PPARG: variants seen among roughly 807,000 people sequenced by gnomAD.
The protein encoded by PPARG is peroxisome proliferator activated receptor gamma, also known as peroxisome proliferator-activated receptor gamma.
PPARG carries 17 observed loss-of-function variants against 39.2 expected under a neutral mutation model. The observed-to-expected ratio is 0.43, with a 90% CI of 0.30 to 0.65. PPARG has a LOEUF of 0.65. Ranked by LOEUF, PPARG falls within the 30% of genes least tolerant of loss-of-function variation. The pLI is 0.13. For missense variants in PPARG, 406 were observed against 585.9 expected (o/e 0.69, Z 3.17); for synonymous variants, 223 against 215.7 (o/e 1.03, Z -0.30).
chr3:12,337,108 T>C (rs1052961199), intron 2 of PPARG, among the ~76,000 whole-genome samples: 3 of 152,240 alleles, frequency 2.0e-5, no homozygotes, highest in African/African-American at 7.2e-5. Context: ...AATTATGTGG[T>C]ATTGACTCTA....
At chr3:12,303,351 C>T (rs2046977862) in intron 1 of PPARG, among the ~76,000 whole-genome samples, 1 of 152,128 alleles carries the variant, frequency 6.6e-6, no homozygotes, top group African/African-American at 2.4e-5. Flanking sequence ...CATGCACCAC[C>T]ACACCCGGCT....
intron 5 of PPARG, among the ~76,000 whole-genome samples, chr3:12,399,641 A>G (rs2050395465): frequency 3.2e-5 from 3 of 94,966 alleles, no homozygotes; most frequent in Admixed American, 1.3e-4. Context: ...GGAAGGGAGG[A>G]AGGAAGGAAG....
At chr3:12,368,363 G>T (rs983841780) in intron 2 of PPARG, among the ~76,000 whole-genome samples, 1 of 151,272 alleles carries the variant, frequency 6.6e-6, no homozygotes, top group African/African-American at 2.4e-5. Flanking sequence ...TGTATTTTTG[G>T]TAGAGACAGG....
intron 2 of PPARG, among the ~76,000 whole-genome samples, chr3:12,348,258 G>A (rs2125086414): frequency 6.6e-6 from 1 of 152,266 alleles, no homozygotes; most frequent in East Asian, 1.9e-4. Context: ...ATTAACTATA[G>A]ATTTTTAGAC....
intron 2 of PPARG, among the ~76,000 whole-genome samples, chr3:12,359,403 A>G (rs988968463): frequency 6.6e-6 from 1 of 152,176 alleles, no homozygotes; most frequent in Non-Finnish European, 1.5e-5. Flanking sequence ...TGATACAAAG[A>G]AAACATTATA....
At position 12,379,949 on chromosome 3, in the gene PPARG, A is replaced by T. The variant is rs768923581; in HGVS notation, c.220+18A>T. On this transcript the variant is annotated intron_variant, in intron 3 of 7. Coordinates refer to ENST00000651735, the MANE Select transcript of PPARG (RefSeq NM_138711.6). The stretch of plus-strand genomic sequence containing the variant: ...GTACCAAAGTATGATGTTTATTTTC[A>T]CTTTTCAGACTACTAGGACTAGAAT... The T allele has an allele frequency of 6.4e-7, 1 of 1,556,414 alleles. No homozygotes were observed. Among genetic ancestry groups the T allele is most frequent in the Non-Finnish European group, 8.9e-7 (1 of 1,127,690 alleles).
At chr3:12,341,732 C>T (rs925587445) in intron 2 of PPARG, among the ~76,000 whole-genome samples, 4 of 152,106 alleles carry the variant, frequency 2.6e-5, no homozygotes, top group Admixed American at 2.6e-4. Context: ...TCGCTTGAGC[C>T]TGGGAGTCAG....
rs570430688 is a variant in PPARG, at chr3:12,302,322, T to C, written c.-82-10058T>C. Among the ~76,000 whole-genome samples the C allele has an allele frequency of 2.0e-5, 3 of 152,186 alleles. No homozygotes were observed. The East Asian group carries it at 5.8e-4, about 29-fold the overall frequency. On this transcript the variant is annotated intron_variant, in intron 1 of 7. Transcript: ENST00000651735. ...TCCCGAGTAGGTACATCCATAGAGA[T>C]AGGAAGCAGATGAGTTGCCAGGGGC... is the stretch of plus-strand genomic sequence containing the variant.
intron 6 of PPARG, among the ~76,000 whole-genome samples, chr3:12,416,101 G>A (rs895679888): frequency 2.6e-5 from 4 of 152,314 alleles, no homozygotes; most frequent in South Asian, 2.1e-4. Flanking sequence ...ACAATCGGCC[G>A]GGTGTGGTGG....
chr3:12,336,515 GTTC>G (rs1323658114), intron 2 of PPARG, among the ~76,000 whole-genome samples: 2 of 152,058 alleles, frequency 1.3e-5, no homozygotes, highest in Non-Finnish European at 2.9e-5. Flanking sequence ...TGATAACTTT[GTTC>G]TTCTTTGAAA....
At chr3:12,304,292 T>C (rs1455611765) in intron 1 of PPARG, among the ~76,000 whole-genome samples, 4 of 152,216 alleles carry the variant, frequency 2.6e-5, no homozygotes, top group Admixed American at 2.6e-4. Flanking sequence ...GCCATTTTAA[T>C]TGGGTGAAAT....
chr3:12,368,910 A>T (rs1338861055), intron 2 of PPARG, among the ~76,000 whole-genome samples: 3 of 152,182 alleles, frequency 2.0e-5, no homozygotes, highest in Non-Finnish European at 2.9e-5. Flanking sequence ...AATTTTCTCC[A>T]ATTTTCCAGA....
chr3:12,335,463 G>A (rs556772522), intron 2 of PPARG, among the ~76,000 whole-genome samples: 120 of 152,286 alleles, frequency 7.9e-4, no homozygotes, highest in Non-Finnish European at 1.3e-3. Flanking sequence ...TTTTTAGAGT[G>A]TGGTTCCTGT....
chr3:12,418,321 C>G (rs1224518049), intron 7 of PPARG, among the ~76,000 whole-genome samples: 2 of 152,116 alleles, frequency 1.3e-5, no homozygotes, highest in East Asian at 3.9e-4. Context: ...TTACTTTCAT[C>G]TCTCTGTATA....
intron 1 of PPARG, among the ~76,000 whole-genome samples, chr3:12,308,371 G>A (rs74280658): frequency 0.079 from 7,006 of 89,224 alleles, 424 homozygotes; most frequent in East Asian, 0.1. Flanking sequence ...AAAAAAAAAA[G>A]GGAGAAACTG....
In PPARG at chr3:12,392,679, C is replaced by G; in HGVS notation, c.456C>G (p.Ile152Met). Reference protein sequence around the residue: ...IYDRCDLNCRIHKKSRNKCQY... With the variant: ...IYDRCDLNCRMHKKSRNKCQY... ...ACAGATGTGATCTTAACTGTCGGATCCACAAAAAAAGTAGAAATAAATGTC... is the reference window on the plus strand; with the variant it reads ...ACAGATGTGATCTTAACTGTCGGATGCACAAAAAAAGTAGAAATAAATGTC... Residue 152 changes from isoleucine (I) to methionine (M), a missense_variant, in exon 5 of 8, where the codon ATC (isoleucine) becomes ATG (methionine). Physicochemically the swap from Ile to Met is conservative, Grantham distance 10. Coordinates refer to ENST00000651735, the MANE Select transcript of PPARG (RefSeq NM_138711.6). 1 of 1,613,762 alleles carries G rather than the reference C, an allele frequency of 6.2e-7. No individual in the cohort carries two copies. Among genetic ancestry groups the G allele is most frequent in the Non-Finnish European group, 8.5e-7 (1 of 1,179,800 alleles).
At chr3:12,429,223 T>C (rs1455997914) in intron 7 of PPARG, among the ~76,000 whole-genome samples, 2 of 152,088 alleles carry the variant, frequency 1.3e-5, no homozygotes, top group Admixed American at 6.5e-5. Context: ...AAAGAATAAC[T>C]TGCCAAAGAG....
At chr3:12,369,995 C>T (rs1482746862) in intron 2 of PPARG, among the ~76,000 whole-genome samples, 1 of 152,156 alleles carries the variant, frequency 6.6e-6, no homozygotes, top group South Asian at 2.1e-4. Context: ...CTGGGACTAC[C>T]TTCCACCTCT....
chr3:12,419,013 C>T (rs377161441), intron 7 of PPARG, among the ~76,000 whole-genome samples: 13 of 152,276 alleles, frequency 8.5e-5, no homozygotes, highest in African/African-American at 1.9e-4. Flanking sequence ...GGCACAATCT[C>T]GGCTCACTGC....
Sources: gnomAD v4.1 joint callset for allele counts (sites outside exome capture counted in the v4.1 genomes callset) on GRCh38, gnomAD v4.1.1 for gene constraint, MANE v1.5 for transcripts, NCBI Gene and HGNC (gene_info 2026-07-23, HGNC 2026-07-21) for gene names.